The following METTL2A variants were observed in gnomAD, a reference collection of about 807,000 sequenced individuals.
METTL2A encodes the protein tRNA N(3)-cytidine methyltransferase METTL2A.
In METTL2A, 45 loss-of-function variants were observed where a neutral mutation model predicts 49.4. The observed-to-expected ratio is 0.91, with a 90% CI of 0.72 to 1.17. The LOEUF (loss-of-function observed/expected upper bound fraction) is 1.17, where lower values mean the gene tolerates loss of function less well. Ranked by LOEUF, METTL2A falls within the 50% of genes most tolerant of loss-of-function variation. The pLI, the probability that METTL2A is intolerant of heterozygous loss-of-function variation, is 0.00. For synonymous variants in METTL2A, 118 were observed against 167.5 expected (o/e 0.70, Z 2.28); for missense variants, 361 against 462.2 (o/e 0.78, Z 2.01).
At chr17:62,446,713 A>C (rs1250551622) in intron 7 of METTL2A, among the ~76,000 whole-genome samples, 1 of 152,218 alleles carries the variant, frequency 6.6e-6, no homozygotes. Context: ...AAAACTTTGT[A>C]AACAAAGTGA....
chr17:62,425,450 G>A (rs1021814183), intron 2 of METTL2A, among the ~76,000 whole-genome samples: 5 of 142,252 alleles, frequency 3.5e-5, no homozygotes, highest in Non-Finnish European at 6.0e-5. Flanking sequence ...GCAGTGGCAC[G>A]ATCTCAGCTC....
At chr17:62,432,837 C>T (rs1211710689) in intron 4 of METTL2A, among the ~76,000 whole-genome samples, 1 of 151,738 alleles carries the variant, frequency 6.6e-6, no homozygotes, top group East Asian at 1.9e-4. Context: ...CTGGCATGCA[C>T]CTGTAGTCTC....
At position 62,447,781 on chromosome 17, in the gene METTL2A, TC is replaced by T; in HGVS notation, c.982+16del. ...CTTCACACAAGGTATGAAACACCCA[TC>T]TTTTTACACTAAAAGTCCCCAGTAC... On this transcript the variant is annotated intron_variant, in intron 8 of 8. Transcript: ENST00000311506. 1.2e-6 allele frequency: 2 copies of T among 1,613,920 alleles called. No homozygotes were observed. Among genetic ancestry groups the T allele is most frequent in the Non-Finnish European group, 1.7e-6 (2 of 1,179,838 alleles).
At chr17:62,438,521 G>A (rs2070716253) in intron 5 of METTL2A, among the ~76,000 whole-genome samples, 1 of 150,496 alleles carries the variant, frequency 6.6e-6, no homozygotes, top group African/African-American at 2.5e-5. Flanking sequence ...AGCAGAGGTT[G>A]CAGTGAGCCG....
chr17:62,434,354 A>G (rs1258851144), intron 4 of METTL2A, among the ~76,000 whole-genome samples: 2 of 152,174 alleles, frequency 1.3e-5, no homozygotes, highest in Non-Finnish European at 2.9e-5. Context: ...CCAAAGGTCA[A>G]CAGTTCAGCA....
chr17:62,427,610 G>A (rs1351991321), intron 3 of METTL2A, among the ~76,000 whole-genome samples, 178 bp from the exon 4 acceptor site: 3 of 152,162 alleles, frequency 2.0e-5, no homozygotes, highest in African/African-American at 7.2e-5. Context: ...TCTTTTAAGG[G>A]TTCCTGAAGT....
At chr17:62,430,313 A>G (rs1381798594) in intron 4 of METTL2A, among the ~76,000 whole-genome samples, 2 of 152,222 alleles carry the variant, frequency 1.3e-5, no homozygotes, top group Non-Finnish European at 1.5e-5. Context: ...TCATCAATGC[A>G]TGTAAAATAA....
In METTL2A at chr17:62,449,413, G is replaced by C; in HGVS notation, c.*684G>C. On this transcript the variant is annotated 3_prime_UTR_variant, in exon 9 of 9. Coordinates refer to ENST00000311506, the MANE Select transcript of METTL2A (RefSeq NM_181725.4). ...TGTTAAGTAATTGATCGTGGTCTTC[G>C]CTTTAATCTTAGTTCCGCCAGGCAC... The C allele has an allele frequency of 2.2e-6, 1 of 452,452 alleles. No individual in the cohort carries two copies. The highest frequency in any genetic ancestry group is 4.4e-6 in the Non-Finnish European group (1 of 225,954). The allele number at this position is 452,452 out of a possible 1,614,324, so 28.0% of individuals were successfully genotyped here.
At chr17:62,436,555 A>G (rs972095822) in intron 5 of METTL2A, among the ~76,000 whole-genome samples, 2 of 152,194 alleles carry the variant, frequency 1.3e-5, no homozygotes, top group African/African-American at 4.8e-5. Flanking sequence ...ATCTCAAAAA[A>G]AAGAGAGAGA....
At chr17:62,445,359 C>G (rs2070761897) in intron 7 of METTL2A, among the ~76,000 whole-genome samples, 1 of 151,146 alleles carries the variant, frequency 6.6e-6, no homozygotes, top group Admixed American at 6.6e-5. Context: ...AATAGAAACT[C>G]TAGAATTAGA....
chr17:62,441,718 T>C (rs1192108730), intron 6 of METTL2A, among the ~76,000 whole-genome samples: 1 of 149,952 alleles, frequency 6.7e-6, no homozygotes, highest in Non-Finnish European at 1.5e-5. Flanking sequence ...ATGCTGGGAT[T>C]ACAGGCATGA....
rs1302358466 is a variant in METTL2A at position 62,449,786 on chromosome 17, G to A, written c.*1057G>A. 1 of 157,312 alleles carries A rather than the reference G, an allele frequency of 6.4e-6. No homozygotes were observed. The highest frequency in any genetic ancestry group is 1.4e-5 in the Non-Finnish European group (1 of 71,396). 9.7% of individuals were successfully genotyped at this position (157,312 alleles called of 1,614,324 possible). ...GTTCCCCCTCTAACCTGTGTCTAAA[G>A]AATTAAAAGAATTTGGCCGGGTGCG... On this transcript the variant is annotated 3_prime_UTR_variant, in exon 9 of 9. Transcript: ENST00000311506.
intron 6 of METTL2A, 127 bp from the exon 7 acceptor site, chr17:62,444,710 G>A (rs1000605822): frequency 8.4e-6 from 7 of 832,784 alleles, no homozygotes; most frequent in Non-Finnish European, 1.4e-5. Flanking sequence ...CAAGAGTAGA[G>A]GAGCTTAGAT....
At chr17:62,447,229 G>A (rs1385377028) in intron 7 of METTL2A, among the ~76,000 whole-genome samples, 5 of 152,100 alleles carry the variant, frequency 3.3e-5, no homozygotes, top group South Asian at 2.1e-4. Context: ...GACCAGCCTG[G>A]CCAACATGGT....
Position 62,448,708 on chromosome 17 carries a change from C to T in METTL2A, c.1116C>T (p.Pro372=). ...RVWIQCKYCK[P]LLSSTS ...GGATTCAGTGCAAATACTGCAAGCC[C>T]CTTCTGTCCAGCACCAGCTGAGAGG... The change falls in exon 9 of 9, where the codon CCC becomes CCT. Residue 372 remains proline, a synonymous_variant. Transcript: ENST00000311506. The T allele has an allele frequency of 1.2e-6, 2 of 1,614,082 alleles. No individual in the cohort carries two copies. Among genetic ancestry groups the T allele is most frequent in the Non-Finnish European group, 1.7e-6 (2 of 1,180,032 alleles).
rs751183839 is a variant in METTL2A, at chr17:62,426,551, C to T, written c.455C>T (p.Thr152Ile). 9.7e-6 allele frequency: 13 copies of T among 1,338,182 alleles called. No individual in the cohort carries two copies. The highest frequency in any genetic ancestry group is 2.0e-5 in the Admixed American group (1 of 50,762). 82.9% of individuals were successfully genotyped at this position (1,338,182 alleles called of 1,614,324 possible). Reference sequence around the variant, plus strand: ...TCTTCAAAGAGCCTTGAACATAAAACACAGACACTTCCTGTGGAGGAGAAT... The same window carrying T: ...TCTTCAAAGAGCCTTGAACATAAAATACAGACACTTCCTGTGGAGGAGAAT... ...KCSSKSLEHK[T>I]QTLPVEENVT... Residue 152 changes from threonine (T) to isoleucine (I), a missense_variant, in exon 3 of 9, where the codon ACA (threonine) becomes ATA (isoleucine). By Grantham distance (89) the Thr-to-Ile change is moderately conservative (BLOSUM62 -1). Coordinates refer to ENST00000311506, the MANE Select transcript of METTL2A (RefSeq NM_181725.4).
intron 4 of METTL2A, chr17:62,434,939 G>C (rs866926661): frequency 7.3e-6 from 3 of 410,350 alleles, no homozygotes; most frequent in African/African-American, 6.0e-5. Context: ...TATCAAGCAA[G>C]GCTTCATTTG....
intron 6 of METTL2A, among the ~76,000 whole-genome samples, chr17:62,441,915 A>ATT (rs565196873): frequency 8.1e-6 from 1 of 122,994 alleles, no homozygotes; most frequent in African/African-American, 3.0e-5. Flanking sequence ...TAATTTTTGT[A>ATT]TTTTTTTTTT....
intron 4 of METTL2A, among the ~76,000 whole-genome samples, chr17:62,432,525 C>T (rs1472602048): frequency 2.6e-5 from 4 of 152,158 alleles, no homozygotes; most frequent in East Asian, 3.9e-4. Flanking sequence ...AGCCGCCAGG[C>T]GCTGTGGCTC....
Sources: allele counts gnomAD v4.1 joint callset (sites outside exome capture counted in the v4.1 genomes callset), GRCh38; gene constraint gnomAD v4.1.1; transcripts MANE v1.5; gene names NCBI Gene and HGNC (gene_info 2026-07-23, HGNC 2026-07-21).